The following KYAT3 variants were observed in gnomAD, a reference collection of about 807,000 sequenced individuals.
The protein encoded by KYAT3 is kynurenine aminotransferase 3.
KYAT3 carries 50 observed loss-of-function variants against 59.0 expected under a neutral mutation model. That is an observed-to-expected ratio of 0.85 (90% CI 0.68 to 1.07). The LOEUF (loss-of-function observed/expected upper bound fraction) is 1.07, where lower values mean the gene tolerates loss of function less well. Among genes scored for constraint, KYAT3 ranks in the 50% least tolerant of loss-of-function variants. The probability of loss-of-function intolerance (pLI) is 0.00; values close to 1 mark genes in which losing one functional copy is unlikely to be tolerated. For synonymous variants in KYAT3, 148 were observed against 177.0 expected (o/e 0.84, Z 1.30); for missense variants, 497 against 533.3 (o/e 0.93, Z 0.67).
chr1:88,951,308 C>T (rs1675663152), intron 10 of KYAT3, among the ~76,000 whole-genome samples: 1 of 151,462 alleles, frequency 6.6e-6, no homozygotes, highest in Non-Finnish European at 1.5e-5. Context: ...GATCTCAGCT[C>T]ACTGCAACCT....
chr1:88,976,885 T>C (rs182382115), intron 2 of KYAT3, among the ~76,000 whole-genome samples: 1 of 152,238 alleles, frequency 6.6e-6, no homozygotes, highest in Non-Finnish European at 1.5e-5. Context: ...AAAATATTTT[T>C]AAATATTTTG....
At chr1:88,989,493 C>A (rs372867578) in intron 1 of KYAT3, among the ~76,000 whole-genome samples, 19 of 152,232 alleles carry the variant, frequency 1.2e-4, no homozygotes, top group African/African-American at 4.6e-4. Flanking sequence ...TAGCGGGAAC[C>A]CTCTAACGAC....
chr1:88,982,001 T>C (rs1677115767), intron 2 of KYAT3: 1 of 980,968 alleles, frequency 1.0e-6, no homozygotes, highest in Non-Finnish European at 1.2e-6. Context: ...TATTCCGTAG[T>C]TGTTTAGCAC....
intron 2 of KYAT3, chr1:88,981,916 T>A (rs767601358): frequency 2.1e-6 from 2 of 957,820 alleles, no homozygotes; most frequent in Non-Finnish European, 2.5e-6. Context: ...GACATTAGAG[T>A]TGCAAAAATT....
chr1:88,965,790 C>G (rs761255182), intron 4 of KYAT3, among the ~76,000 whole-genome samples: 1 of 152,062 alleles, frequency 6.6e-6, no homozygotes, highest in South Asian at 2.1e-4. Context: ...TTTTCTATCC[C>G]TTGAGAGTAA....
chr1:88,928,819 C>T, the KYAT3 span, among the ~76,000 whole-genome samples: 7 of 152,090 alleles, frequency 4.6e-5, no homozygotes, highest in Non-Finnish European at 8.8e-5. Flanking sequence ...TGTCACTATC[C>T]GAGGGGTCCT....
At chr1:88,932,228 T>C (rs1237691789), downstream of KYAT3, among the ~76,000 whole-genome samples, 1 of 152,236 alleles carries the variant, frequency 6.6e-6, no homozygotes, top group African/African-American at 2.4e-5. Context: ...AATTCATTCA[T>C]GTTATTGTGT....
chr1:88,965,246 G>T (rs1003618124), intron 4 of KYAT3, among the ~76,000 whole-genome samples: 5 of 152,024 alleles, frequency 3.3e-5, no homozygotes, highest in African/African-American at 1.2e-4. Flanking sequence ...CAAAGTATTT[G>T]CTTTGAATAA....
intron 2 of KYAT3, chr1:88,982,774 A>G (rs757903508): frequency 3.7e-6 from 6 of 1,613,860 alleles, no homozygotes; most frequent in Non-Finnish European, 4.2e-6. Flanking sequence ...CCCTTTCTAC[A>G]GAAGGGGGAA....
chr1:88,986,514 A>G (rs552374437), intron 2 of KYAT3, among the ~76,000 whole-genome samples: 37 of 125,924 alleles, frequency 2.9e-4, no homozygotes, highest in African/African-American at 1.1e-3. Flanking sequence ...CTGGTCTTGA[A>G]CTCCTGGTCT....
chr1:88,965,003 A>C, intron 4 of KYAT3, 25 bp from the exon 5 acceptor site: 1 of 1,574,434 alleles, frequency 6.4e-7, no homozygotes, highest in Admixed American at 2.0e-5. Context: ...ATAAGAACAA[A>C]ACCTTGAATT....
chr1:88,934,968 T>C (rs1674982805), downstream of KYAT3, among the ~76,000 whole-genome samples: 1 of 151,726 alleles, frequency 6.6e-6, no homozygotes, highest in Non-Finnish European at 1.5e-5. Flanking sequence ...GATTTGAAAT[T>C]GTAGTAAGTT....
In KYAT3 at chr1:88,939,834, G is replaced by A. The variant is rs1675170828; in HGVS notation, c.1302+3171C>T. On this transcript the variant is annotated intron_variant, in intron 13 of 13. Coordinates refer to ENST00000260508, the MANE Select transcript of KYAT3 (RefSeq NM_001008661.3). ...CTTTTCAATTTCCTACCTGAACTCTGATAGCTCCCATTTGATCTTCTTATA... is the reference window on the plus strand; with the variant it reads ...CTTTTCAATTTCCTACCTGAACTCTAATAGCTCCCATTTGATCTTCTTATA... Among the ~76,000 whole-genome samples the A allele has an allele frequency of 2.6e-5, 4 of 151,900 alleles. 1 individual carries two copies. The highest frequency in any genetic ancestry group is 2.0e-4 in the Admixed American group (3 of 15,252).
At chr1:88,974,644 T>G (rs1676697813) in intron 2 of KYAT3, among the ~76,000 whole-genome samples, 1 of 151,986 alleles carries the variant, frequency 6.6e-6, no homozygotes, top group Non-Finnish European at 1.5e-5. Context: ...AGTGGGGACT[T>G]GGAGAACTTT....
intron 9 of KYAT3, among the ~76,000 whole-genome samples, chr1:88,954,178 G>C (rs6692335): frequency 6.6e-6 from 1 of 151,982 alleles, no homozygotes; most frequent in Non-Finnish European, 1.5e-5. Flanking sequence ...GATTACAGGC[G>C]TGCGCTACCA....
chr1:88,968,441 A>G (rs1250690263), intron 4 of KYAT3, among the ~76,000 whole-genome samples: 1 of 152,200 alleles, frequency 6.6e-6, no homozygotes, highest in Non-Finnish European at 1.5e-5. Context: ...TCTTGGAGCA[A>G]CAGTAAAGTA....
chr1:88,944,567 CCT>C (rs1370716224), intron 11 of KYAT3, among the ~76,000 whole-genome samples: 3 of 152,144 alleles, frequency 2.0e-5, no homozygotes, highest in African/African-American at 7.2e-5. Flanking sequence ...TAATGATAAT[CCT>C]CTGTTTACAG....
chr1:88,988,248 C>T lies in KYAT3; in HGVS notation c.99+4G>A. 1 of 1,593,796 alleles carries T rather than the reference C, an allele frequency of 6.3e-7. No individual in the cohort carries two copies. ...TAATTTATCTGTAAGTAAGCAATAC[C>T]TACAGCAGAAGTAGAGAATCCGAGG... On this transcript the variant is annotated splice_donor_region_variant and intron_variant, in intron 2 of 13. Coordinates refer to ENST00000260508, the MANE Select transcript of KYAT3 (RefSeq NM_001008661.3).
chr1:88,938,627 A>T (rs1675125246), intron 13 of KYAT3, among the ~76,000 whole-genome samples: 1 of 152,180 alleles, frequency 6.6e-6, no homozygotes, highest in Non-Finnish European at 1.5e-5. Context: ...ATAAGAGAGA[A>T]CATGTGATAT....
Sources: gnomAD v4.1 joint callset for allele counts (sites outside exome capture counted in the v4.1 genomes callset) on GRCh38, gnomAD v4.1.1 for gene constraint, MANE v1.5 for transcripts, NCBI Gene and HGNC (gene_info 2026-07-23, HGNC 2026-07-21) for gene names.